Variants in CA10 observed in about 807,000 individuals in gnomAD.
The protein encoded by CA10 is carbonic anhydrase-related protein 10.
A neutral mutation model predicts 44.2 loss-of-function variants in CA10; 14 were observed. That is an observed-to-expected ratio of 0.32 (90% CI 0.21 to 0.50). The LOEUF (loss-of-function observed/expected upper bound fraction) is 0.50. CA10 is among the 20% of genes least tolerant of loss of function. The probability of loss-of-function intolerance (pLI) is 0.99; values close to 1 mark genes in which losing one functional copy is unlikely to be tolerated. For synonymous variants in CA10, 159 were observed against 141.6 expected, an observed-to-expected ratio of 1.12 and a Z score of -0.87; for missense variants, 350 against 409.7, an observed-to-expected ratio of 0.85 and a Z score of 1.26.
intron 2 of CA10, among the ~76,000 whole-genome samples, chr17:51,954,604 A>G (rs1983600259): frequency 6.6e-6 from 1 of 152,178 alleles, no homozygotes; most frequent in East Asian, 1.9e-4. Flanking sequence ...CTCCCAAACC[A>G]GTGTTCTGAT....
At chr17:51,791,413 T>A (rs995089432) in intron 3 of CA10, among the ~76,000 whole-genome samples, 6 of 152,244 alleles carry the variant, frequency 3.9e-5, no homozygotes, top group African/African-American at 9.6e-5. Flanking sequence ...TTGATTGGAA[T>A]GCAGAGTGCC....
intron 2 of CA10, among the ~76,000 whole-genome samples, chr17:51,970,186 C>G (rs1984230542): frequency 6.6e-6 from 1 of 152,034 alleles, no homozygotes; most frequent in Admixed American, 6.6e-5. Context: ...TAAGTCTTTA[C>G]TTCATTTAAA....
chr17:51,888,165 G>A (rs1192402451), intron 3 of CA10, among the ~76,000 whole-genome samples: 1 of 151,900 alleles, frequency 6.6e-6, no homozygotes, highest in African/African-American at 2.4e-5. Flanking sequence ...ATAATCAGAA[G>A]GTGGTATTGA....
At chr17:52,082,573 A>G (rs1293253822) in intron 1 of CA10, among the ~76,000 whole-genome samples, 1 of 152,154 alleles carries the variant, frequency 6.6e-6, no homozygotes, top group East Asian at 1.9e-4. Flanking sequence ...ATCCTCTTTT[A>G]GACCTTTCTT....
chr17:51,743,515 G>C (rs575586137), intron 4 of CA10, among the ~76,000 whole-genome samples: 31 of 152,306 alleles, frequency 2.0e-4, no homozygotes, highest in African/African-American at 7.2e-4. Context: ...TAGGACATGA[G>C]TAATTTTTAT....
At chr17:51,634,415 T>TG (rs1355785844) in intron 7 of CA10, among the ~76,000 whole-genome samples, 1 of 152,200 alleles carries the variant, frequency 6.6e-6, no homozygotes, top group Non-Finnish European at 1.5e-5. Context: ...GGTGGTCAGG[T>TG]GGGAACACAT....
chr17:51,895,853 G>T (rs1295688638), intron 3 of CA10, among the ~76,000 whole-genome samples: 1 of 151,424 alleles, frequency 6.6e-6, no homozygotes, highest in East Asian at 1.9e-4. Flanking sequence ...TTCACTAGCA[G>T]AACAAAAATG....
At chr17:52,099,683 C>A (rs1401935312) in intron 1 of CA10, among the ~76,000 whole-genome samples, 1 of 152,182 alleles carries the variant, frequency 6.6e-6, no homozygotes, top group East Asian at 1.9e-4. Context: ...AGCAAAAGAC[C>A]TGGCATATTC....
chr17:51,965,733 C>CA (rs781278957), intron 2 of CA10, among the ~76,000 whole-genome samples: 47 of 152,106 alleles, frequency 3.1e-4, no homozygotes, highest in Non-Finnish European at 5.3e-4. Context: ...CCATCTATCA[C>CA]AAACCCACAG....
intron 2 of CA10, among the ~76,000 whole-genome samples, chr17:52,036,862 A>G (rs1986632901): frequency 6.6e-6 from 1 of 152,216 alleles, no homozygotes; most frequent in Admixed American, 6.5e-5. Flanking sequence ...GTGATGTATC[A>G]GAGCATGATA....
At chr17:51,927,108 T>C (rs1982464905) in intron 3 of CA10, among the ~76,000 whole-genome samples, 2 of 152,170 alleles carry the variant, frequency 1.3e-5, no homozygotes, top group African/African-American at 4.8e-5. Flanking sequence ...ATTTGTCGTG[T>C]CATCAACTAC....
rs1161899545 is a variant in CA10, at chr17:51,837,654, GC to G, written c.280-89837del. Among the ~76,000 whole-genome samples the G allele has an allele frequency of 6.6e-5, 10 of 152,232 alleles. 1 individual carries two copies. The South Asian group carries it at 1.7e-3, about 25-fold the overall frequency. ...TGGAACCACTGCTTCATCAGAGAGT[GC>G]CTTTTGTTTGTGCATGATCAAATGT... On this transcript the variant is annotated intron_variant, in intron 3 of 8. Coordinates refer to ENST00000451037, the MANE Select transcript of CA10 (RefSeq NM_020178.5).
At chr17:51,964,472 A>C (rs1435508701) in intron 2 of CA10, among the ~76,000 whole-genome samples, 1 of 152,030 alleles carries the variant, frequency 6.6e-6, no homozygotes, top group Non-Finnish European at 1.5e-5. Context: ...TCAACTGCAC[A>C]TGGAACATAC....
At chr17:51,996,620 C>T (rs1203422080) in intron 2 of CA10, among the ~76,000 whole-genome samples, 2 of 151,994 alleles carry the variant, frequency 1.3e-5, no homozygotes, top group Non-Finnish European at 2.9e-5. Context: ...TAAACATGCC[C>T]TCTTCTTTAA....
At chr17:51,855,658 A>G (rs1436435725) in intron 3 of CA10, among the ~76,000 whole-genome samples, 3 of 152,234 alleles carry the variant, frequency 2.0e-5, no homozygotes, top group Non-Finnish European at 4.4e-5. Context: ...CTGGTAGGTA[A>G]TGCATGAAGG....
At chr17:51,815,711 A>G (rs1374722555) in intron 3 of CA10, among the ~76,000 whole-genome samples, 1 of 152,216 alleles carries the variant, frequency 6.6e-6, no homozygotes, top group Non-Finnish European at 1.5e-5. Flanking sequence ...CCAAGAGGTC[A>G]GTGGATACTG....
At chr17:51,791,993 T>A (rs1433434339) in intron 3 of CA10, among the ~76,000 whole-genome samples, 1 of 152,156 alleles carries the variant, frequency 6.6e-6, no homozygotes. Flanking sequence ...TATATAATCT[T>A]TGCACAGAGA....
intron 3 of CA10, among the ~76,000 whole-genome samples, chr17:51,760,933 A>G (rs1299581444): frequency 6.6e-6 from 1 of 152,222 alleles, no homozygotes; most frequent in African/African-American, 2.4e-5. Context: ...TTCATTTTTC[A>G]TAAATCTTGG....
intron 7 of CA10, 57 bp downstream of exon 7, chr17:51,635,798 T>G: frequency 7.3e-7 from 1 of 1,378,498 alleles, no homozygotes; most frequent in Non-Finnish European, 9.9e-7. Context: ...CACATTTCAG[T>G]GATTTTTTTT....
Sources: allele counts gnomAD v4.1 joint callset (sites outside exome capture counted in the v4.1 genomes callset), GRCh38; gene constraint gnomAD v4.1.1; transcripts MANE v1.5; gene names NCBI Gene and HGNC (gene_info 2026-07-23, HGNC 2026-07-21).